Variants in HTR3A observed in about 807,000 individuals in gnomAD.
The protein encoded by HTR3A is 5-hydroxytryptamine (serotonin) receptor 3A, ionotropic.
Under a neutral mutation model 54.8 loss-of-function variants are expected in HTR3A, and 45 were observed. The observed-to-expected ratio is 0.82, with a 90% CI of 0.65 to 1.05. The LOEUF is 1.05. Among genes scored for constraint, HTR3A ranks in the 50% least tolerant of loss-of-function variants. The pLI, the probability that HTR3A is intolerant of heterozygous loss-of-function variation, is 0.00. For missense variants in HTR3A, 657 were observed against 614.0 expected (o/e 1.07, Z -0.74); for synonymous variants, 297 against 256.0 (o/e 1.16, Z -1.53).
rs139961992 is a variant in HTR3A, at chr11:113,980,303, G to A, written c.265-900G>A. 7.9e-5 allele frequency among the ~76,000 whole-genome samples: 12 copies of A among 152,302 alleles called. No individual in the cohort carries two copies. The East Asian group carries it at 1.4e-3, about 17-fold the overall frequency. On this transcript the variant is annotated intron_variant, in intron 3 of 8. Transcript: ENST00000504030. ...GCTAAGAGACTGGAATTAGAGACAC[G>A]AACTAGATCGAGGCCCTGCCCACCA... is the stretch of plus-strand genomic sequence containing the variant.
At position 113,986,808 on chromosome 11, in the gene HTR3A, T is replaced by C; in HGVS notation, c.917-17T>C. ...ACCTCCTGCATGTGTCTCTTGCCTCTGCCCTGGGCTGCACAGGTGTCTACT... is the reference window on the plus strand; with the variant it reads ...ACCTCCTGCATGTGTCTCTTGCCTCCGCCCTGGGCTGCACAGGTGTCTACT... On this transcript the variant is annotated splice_polypyrimidine_tract_variant and intron_variant, in intron 7 of 8. Coordinates refer to ENST00000504030, the MANE Select transcript of HTR3A (RefSeq NM_000869.6). The C allele has an allele frequency of 6.2e-7, 1 of 1,609,014 alleles. No homozygotes were observed. The highest frequency in any genetic ancestry group is 8.5e-7 in the Non-Finnish European group (1 of 1,175,590).
In HTR3A at chr11:113,986,278, A is replaced by T; in HGVS notation, c.705+103A>T. 2.1e-6 allele frequency: 3 copies of T among 1,425,130 alleles called. No homozygotes were observed. The South Asian group carries it at 3.5e-5, about 16-fold the overall frequency. The allele number at this position is 1,425,130 out of a possible 1,614,324, so 88.3% of individuals were successfully genotyped here. ...ACTTCTATAGCCTTTTTCCAACCCCAGGGTTGCACACATCTGGAACTTCAG... is the reference window on the plus strand; with the variant it reads ...ACTTCTATAGCCTTTTTCCAACCCCTGGGTTGCACACATCTGGAACTTCAG... On this transcript the variant is annotated intron_variant, in intron 6 of 8. Transcript: ENST00000504030.
rs76214266 is a variant in HTR3A at position 113,982,529 on chromosome 11, C to T, written c.375-591C>T. ...TCAGCCTACTCCATGCCACAGTGGT[C>T]ACTCAAGAGGGCCTACCACTTTGAC... On this transcript the variant is annotated intron_variant, in intron 4 of 8. Transcript: ENST00000504030. Among the ~76,000 whole-genome samples, 242 of 152,346 alleles carry T rather than the reference C, an allele frequency of 1.6e-3. 2 individuals are homozygous for T. Among genetic ancestry groups the T allele is most frequent in the African/African-American group, 5.7e-3 (237 of 41,578 alleles).
intron 7 of HTR3A, 24 bp downstream of exon 7, chr11:113,986,752 G>C: frequency 6.2e-7 from 1 of 1,614,160 alleles, no homozygotes. Context: ...TGGCAGCAGA[G>C]CTCAGTCTGG....
At chr11:113,983,024 G>T in intron 4 of HTR3A, 96 bp from the exon 5 acceptor site, 2 of 1,451,128 alleles carry the variant, frequency 1.4e-6, no homozygotes, top group South Asian at 1.1e-5. Context: ...TACCCTCCCC[G>T]AACTTCACTC....
chr11:113,984,929 G>A (rs199963580), intron 5 of HTR3A, among the ~76,000 whole-genome samples: 34 of 147,438 alleles, frequency 2.3e-4, no homozygotes, highest in East Asian at 2.0e-4. Flanking sequence ...TCTCAAAAAA[G>A]AAAAAAAAAA....
intron 2 of HTR3A, among the ~76,000 whole-genome samples, chr11:113,978,508 C>T (rs951718370): frequency 6.6e-6 from 1 of 152,146 alleles, no homozygotes. Context: ...TAAAATTACT[C>T]TACCAAAATT....
At chr11:113,983,432 G>C (rs1031203405) in intron 5 of HTR3A, 143 bp downstream of exon 5, 1 of 841,330 alleles carries the variant, frequency 1.2e-6, no homozygotes, top group African/African-American at 1.7e-5. Flanking sequence ...CTCTGCATGA[G>C]GTAGATCTGC....
At chr11:113,979,676 C>T (rs968461873) in intron 3 of HTR3A, among the ~76,000 whole-genome samples, 1 of 152,290 alleles carries the variant, frequency 6.6e-6, no homozygotes, top group Admixed American at 6.5e-5. Context: ...GTTCCATCCA[C>T]TTAGTCCTCA....
rs774291688 is a variant in HTR3A, at chr11:113,979,290, G to T, written c.264+13G>T. 6.9e-7 allele frequency: 1 copy of T among 1,441,064 alleles called. No individual in the cohort carries two copies. The highest frequency in any genetic ancestry group is 9.6e-7 in the Non-Finnish European group (1 of 1,042,792). 89.3% of individuals were successfully genotyped at this position (1,441,064 alleles called of 1,614,324 possible). ...CTGGTACCGGCAGGTGAGCAGACCC[G>T]CCCCTCCCTGCCCCCGTTACCCATC... On this transcript the variant is annotated intron_variant, in intron 3 of 8. Coordinates refer to ENST00000504030, the MANE Select transcript of HTR3A (RefSeq NM_000869.6).
At chr11:113,985,954 A>G in intron 5 of HTR3A, 61 bp from the exon 6 acceptor site, 1 of 1,591,390 alleles carries the variant, frequency 6.3e-7, no homozygotes, top group Middle Eastern at 1.7e-4. Context: ...TCCCATCATC[A>G]CAGGGTCCAG....
At chr11:113,979,934 TG>T (rs1419258338) in intron 3 of HTR3A, among the ~76,000 whole-genome samples, 1 of 152,168 alleles carries the variant, frequency 6.6e-6, no homozygotes, top group African/African-American at 2.4e-5. Flanking sequence ...ACAGAGGTCA[TG>T]CCCAAGAGGC....
rs1255877582 is a variant in HTR3A at position 113,978,848 on chromosome 11, G to T, written c.220-385G>T. 3.3e-5 allele frequency among the ~76,000 whole-genome samples: 5 copies of T among 152,208 alleles called. No homozygotes were observed. In the East Asian group the frequency reaches 9.7e-4, roughly 30 times the overall value. On this transcript the variant is annotated intron_variant, in intron 2 of 8. Coordinates refer to ENST00000504030, the MANE Select transcript of HTR3A (RefSeq NM_000869.6). ...TACTAAAAATGCAAAAATTAGTCGG[G>T]CATGGTGGCACACACCTGTAGTCCC...
chr11:113,976,416 T>C (rs988095898), intron 1 of HTR3A, among the ~76,000 whole-genome samples: 1 of 152,044 alleles, frequency 6.6e-6, no homozygotes, highest in African/African-American at 2.4e-5. Context: ...GGGTCTGCGT[T>C]TGAATCTCAG....
intron 3 of HTR3A, among the ~76,000 whole-genome samples, chr11:113,980,309 G>T (rs1565579387): frequency 6.6e-6 from 1 of 152,236 alleles, no homozygotes; most frequent in South Asian, 2.1e-4. Context: ...ACACGAACTA[G>T]ATCGAGGCCC....
intron 1 of HTR3A, 148 bp from the exon 2 acceptor site, chr11:113,977,623 T>C (rs1414712865): frequency 2.4e-5 from 36 of 1,498,748 alleles, no homozygotes; most frequent in Non-Finnish European, 3.1e-5. Flanking sequence ...CAAAATGCTC[T>C]AGTGGTGAGA....
At position 113,989,658 on chromosome 11, in the gene HTR3A, C is replaced by G; in HGVS notation, c.1332C>G (p.Arg444=). Residue 444 remains arginine, a synonymous_variant, in exon 9 of 9, where the codon CGC becomes CGG. Transcript: ENST00000504030. This position sits in a 1 kb window ranked among gnomAD's most constrained non-coding sequence, Gnocchi z 4.4. ...EIREVARDWL[R]VGSVLDKLLF... ...GAGAGGTGGCCCGAGACTGGCTGCGCGTGGGCTCCGTGCTGGACAAGCTGC... is the reference window on the plus strand; with the variant it reads ...GAGAGGTGGCCCGAGACTGGCTGCGGGTGGGCTCCGTGCTGGACAAGCTGC... 1 of 1,614,202 alleles carries G rather than the reference C, an allele frequency of 6.2e-7. No individual in the cohort carries two copies. The highest frequency in any genetic ancestry group is 8.5e-7 in the Non-Finnish European group (1 of 1,180,040).
At chr11:113,983,035 C>T in intron 4 of HTR3A, 85 bp from the exon 5 acceptor site, 1 of 1,519,180 alleles carries the variant, frequency 6.6e-7, no homozygotes, top group Non-Finnish European at 9.1e-7. Context: ...AACTTCACTC[C>T]CTACCCAGTT....
intron 5 of HTR3A, among the ~76,000 whole-genome samples, chr11:113,985,491 A>T (rs1292083273): frequency 6.6e-6 from 1 of 152,228 alleles, no homozygotes; most frequent in African/African-American, 2.4e-5. Flanking sequence ...GCTGCAATAG[A>T]TACTTCTGTC....
Sources: gnomAD v4.1 joint callset for allele counts (sites outside exome capture counted in the v4.1 genomes callset) on GRCh38, gnomAD v4.1.1 for gene constraint, Gnocchi (gnomAD v3.1) non-coding constraint, MANE v1.5 for transcripts, NCBI Gene and HGNC (gene_info 2026-07-23, HGNC 2026-07-21) for gene names.